FUT8: variants seen among roughly 807,000 people sequenced by gnomAD.
The protein encoded by FUT8 is alpha-(1,6)-fucosyltransferase.
In FUT8, 29 loss-of-function variants were observed where a neutral mutation model predicts 71.3. The observed-to-expected ratio is 0.41, with a 90% CI of 0.30 to 0.55. The LOEUF (loss-of-function observed/expected upper bound fraction) is 0.55. Among genes scored for constraint, FUT8 ranks in the 20% least tolerant of loss-of-function variants. The pLI is 0.34. For missense variants in FUT8, 544 were observed against 702.1 expected (o/e 0.77, Z 2.55); for synonymous variants, 254 against 239.3 (o/e 1.06, Z -0.57).
chr14:65,712,552 C>A (rs750153474), intron 7 of FUT8, among the ~76,000 whole-genome samples: 1 of 152,162 alleles, frequency 6.6e-6, no homozygotes, highest in Non-Finnish European at 1.5e-5. Context: ...TCAAGCGATT[C>A]TCCTGCCTCA....
chr14:65,538,922 AAAAAC>A lies in FUT8; in HGVS notation c.-227-22396_-227-22392del, dbSNP rs540779603. On this transcript the variant is annotated intron_variant, in intron 2 of 10. Transcript: ENST00000673929. Reference sequence around the variant, plus strand: ...GGTGACAGAGCAAGACTCTGTCTCAAAAAACAAAACAAAACAAAACAAACACAAAA... The same window carrying A: ...GGTGACAGAGCAAGACTCTGTCTCAAAAAACAAAACAAAACAAACACAAAA... 6.2e-4 allele frequency among the ~76,000 whole-genome samples: 95 copies of A among 152,216 alleles called. 1 individual carries two copies. In the South Asian group the frequency reaches 9.1e-3, roughly 15 times the overall value.
the FUT8 span, among the ~76,000 whole-genome samples, chr14:65,390,710 G>T: frequency 6.8e-6 from 1 of 146,114 alleles, no homozygotes; most frequent in South Asian, 2.2e-4. Flanking sequence ...CCAAGTCTAC[G>T]ATTAATTTCC....
chr14:65,600,984 A>C (rs1888261295), intron 3 of FUT8, among the ~76,000 whole-genome samples: 1 of 152,166 alleles, frequency 6.6e-6, no homozygotes, highest in African/African-American at 2.4e-5. Context: ...AAATATGGAC[A>C]CGGATTTCCT....
At chr14:65,461,988 A>T (rs908949703) in intron 2 of FUT8, among the ~76,000 whole-genome samples, 11 of 152,178 alleles carry the variant, frequency 7.2e-5, no homozygotes, top group African/African-American at 2.4e-4. Flanking sequence ...TTTTTGTGCC[A>T]AAAGAACAGT....
chr14:65,594,965 G>GGA (rs1266645247), intron 3 of FUT8, among the ~76,000 whole-genome samples: 1 of 152,052 alleles, frequency 6.6e-6, no homozygotes, highest in African/African-American at 2.4e-5. Flanking sequence ...CAACCAATTG[G>GGA]GAGAGAGCGG....
upstream of FUT8, chr14:65,410,700 G>A (rs1158370629): frequency 1.3e-5 from 2 of 149,624 alleles, no homozygotes; most frequent in Non-Finnish European, 3.0e-5. Flanking sequence ...GTAAAGCTTT[G>A]TACTTGGGTA....
At chr14:65,392,413 C>T in the FUT8 span, among the ~76,000 whole-genome samples, 27 of 152,282 alleles carry the variant, frequency 1.8e-4, no homozygotes, top group Admixed American at 1.4e-3. Context: ...TTATAAAATC[C>T]GTGGCTCATT....
chr14:65,527,539 C>A (rs753855662), intron 2 of FUT8, among the ~76,000 whole-genome samples: 1 of 152,104 alleles, frequency 6.6e-6, no homozygotes. Context: ...GAAGTTTGAT[C>A]GTCTGAAGCC....
chr14:65,482,047 T>C (rs561748785), intron 2 of FUT8, among the ~76,000 whole-genome samples: 43 of 152,326 alleles, frequency 2.8e-4, no homozygotes, highest in African/African-American at 9.4e-4. Context: ...TCTATTTTTG[T>C]TTATGTATCT....
chr14:65,517,059 C>T (rs1882758609), intron 2 of FUT8, among the ~76,000 whole-genome samples: 1 of 151,736 alleles, frequency 6.6e-6, no homozygotes, highest in Non-Finnish European at 1.5e-5. Context: ...AGTTCTATTT[C>T]ACGATGATTA....
chr14:65,457,400 A>C (rs112080799), intron 2 of FUT8, among the ~76,000 whole-genome samples: 2 of 152,200 alleles, frequency 1.3e-5, no homozygotes, highest in African/African-American at 4.8e-5. Flanking sequence ...TAAAATTATT[A>C]GAAAGGGGAT....
chr14:65,584,380 A>G (rs150585965), intron 3 of FUT8, among the ~76,000 whole-genome samples: 2,711 of 152,134 alleles, frequency 0.018, 81 homozygotes, highest in African/African-American at 0.062. Flanking sequence ...GGGTTTCGCC[A>G]TGTTGGCCAG....
intron 2 of FUT8, among the ~76,000 whole-genome samples, chr14:65,511,024 T>C (rs1882304905): frequency 6.6e-6 from 1 of 152,138 alleles, no homozygotes; most frequent in Non-Finnish European, 1.5e-5. Context: ...TTCTTCCTTT[T>C]TTTGATGTAG....
At chr14:65,440,550 T>C (rs2065638546) in intron 1 of FUT8, among the ~76,000 whole-genome samples, 4 of 152,158 alleles carry the variant, frequency 2.6e-5, no homozygotes, top group Admixed American at 1.3e-4. Flanking sequence ...AATAGGTATG[T>C]TAATTAGCTT....
At chr14:65,436,809 A>AT (rs2065569059) in intron 1 of FUT8, among the ~76,000 whole-genome samples, 1 of 152,128 alleles carries the variant, frequency 6.6e-6, no homozygotes, top group Non-Finnish European at 1.5e-5. Flanking sequence ...TCTGGGCTAT[A>AT]TATTTACAGT....
At chr14:65,594,303 G>A (rs376514058) in intron 3 of FUT8, among the ~76,000 whole-genome samples, 10 of 152,268 alleles carry the variant, frequency 6.6e-5, no homozygotes, top group African/African-American at 4.8e-5. Flanking sequence ...TCCACCCCTC[G>A]CAGGAGGGAG....
rs1885913270 is a variant in FUT8 at position 65,561,538 on chromosome 14, C to T, written c.-26C>T. On this transcript the variant is annotated 5_prime_UTR_variant, in exon 3 of 11. Transcript: ENST00000673929. ...TTCAATTCTTTGAGCTCCAGGACTCCAGGGAAGTGAGTTGAAAATCTGAAA... is the reference window on the plus strand; with the variant it reads ...TTCAATTCTTTGAGCTCCAGGACTCTAGGGAAGTGAGTTGAAAATCTGAAA... 5 of 1,609,132 alleles carry T rather than the reference C, an allele frequency of 3.1e-6. No homozygotes were observed. Among genetic ancestry groups the T allele is most frequent in the Non-Finnish European group, 1.7e-6 (2 of 1,176,350 alleles).
At chr14:65,546,421 G>T (rs1264726691) in intron 2 of FUT8, among the ~76,000 whole-genome samples, 2 of 151,820 alleles carry the variant, frequency 1.3e-5, no homozygotes, top group Non-Finnish European at 1.5e-5. Context: ...GAGTCATACA[G>T]TGTGTATTTT....
chr14:65,616,296 G>T lies in FUT8; in HGVS notation c.405G>T (p.Lys135Asn). 1.9e-6 allele frequency: 3 copies of T among 1,612,398 alleles called. No individual in the cohort carries two copies. The highest frequency in any genetic ancestry group is 1.7e-6 in the Non-Finnish European group (2 of 1,179,224). ...ELWFFLQSEL[K>N]KLKNLEGNEL... ...GGTTTTTCCTACAGAGTGAATTGAA[G>T]AAATTAAAGAACTTAGAAGGAAATG... is the stretch of plus-strand genomic sequence containing the variant. The change falls in exon 5 of 11, where the codon AAG (lysine) becomes AAT (asparagine). Residue 135 changes from lysine (K) to asparagine (N), a missense_variant. Lys to Asn is a moderately conservative substitution (Grantham distance 94). Coordinates refer to ENST00000673929, the MANE Select transcript of FUT8 (RefSeq NM_001371533.1).
Sources: gnomAD v4.1 joint callset for allele counts (sites outside exome capture counted in the v4.1 genomes callset) on GRCh38, gnomAD v4.1.1 for gene constraint, MANE v1.5 for transcripts, NCBI Gene and HGNC (gene_info 2026-07-23, HGNC 2026-07-21) for gene names.